PARP8: variants seen among roughly 807,000 people sequenced by gnomAD.
The protein encoded by PARP8 is protein mono-ADP-ribosyltransferase PARP8.
Under a neutral mutation model 124.1 loss-of-function variants are expected in PARP8, and 51 were observed. The ratio of observed to expected loss-of-function variants is 0.41; its 90% confidence interval spans 0.33 to 0.52. The LOEUF is 0.52. PARP8 is among the 20% of genes least tolerant of loss of function. PARP8 has a pLI of 0.21. For missense variants in PARP8, 860 were observed against 1,018.9 expected (o/e 0.84, Z 2.12); for synonymous variants, 391 against 361.5 (o/e 1.08, Z -0.93).
At chr5:50,827,795 T>C in intron 19 of PARP8, 149 bp from the exon 20 acceptor site, 1 of 616,282 alleles carries the variant, frequency 1.6e-6, no homozygotes, top group Non-Finnish European at 2.9e-6. Flanking sequence ...TTAAAAACAT[T>C]ATACAAATTA....
chr5:50,754,367 T>A (rs918966145), intron 3 of PARP8, among the ~76,000 whole-genome samples: 1 of 151,610 alleles, frequency 6.6e-6, no homozygotes, highest in Non-Finnish European at 1.5e-5. Flanking sequence ...CAGTGTGTGA[T>A]GTTCCCTTTC....
intron 2 of PARP8, chr5:50,739,195 A>AGGGG: frequency 1.6e-6 from 1 of 636,658 alleles, no homozygotes. Flanking sequence ...CTTCCATTGC[A>AGGGG]GGGGGATCTG....
In PARP8 at chr5:50,833,997, C is replaced by A; in HGVS notation, c.2326C>A (p.Gln776Lys). ...AATTTAGTCACAGAAAAAAGGACAG[C>A]AATCCCAATTCCTGCAAAGCCGTAA... ...NTSQSQKKGQ[Q>K]SQFLQSRNLK... Residue 776 changes from glutamine to lysine, a missense_variant, in exon 24 of 26, where the codon CAA becomes AAA. By Grantham distance (53) the Gln-to-Lys change is moderately conservative. Transcript: ENST00000281631. 1 of 1,612,150 alleles carries A rather than the reference C, an allele frequency of 6.2e-7. No homozygotes were observed. The highest frequency in any genetic ancestry group is 8.5e-7 in the Non-Finnish European group (1 of 1,178,834).
At chr5:50,735,868 G>A (rs183298573) in intron 2 of PARP8, among the ~76,000 whole-genome samples, 45 of 152,014 alleles carry the variant, frequency 3.0e-4, no homozygotes, top group Middle Eastern at 3.4e-3. Flanking sequence ...GGGCAGTGGG[G>A]GTGGAAGCTG....
chr5:50,740,907 T>C (rs1757977665), intron 2 of PARP8, among the ~76,000 whole-genome samples: 1 of 152,200 alleles, frequency 6.6e-6, no homozygotes, highest in Admixed American at 6.5e-5. Context: ...TTTAAGATGC[T>C]GAGGGTTGTA....
rs749666309 is a variant in PARP8 at position 50,760,400 on chromosome 5, T to C, written c.345+38T>C. 6 of 1,350,800 alleles carry C rather than the reference T, an allele frequency of 4.4e-6. No individual in the cohort carries two copies. In the African/African-American group the frequency reaches 7.6e-5, roughly 17 times the overall value. 83.7% of individuals were successfully genotyped at this position (1,350,800 alleles called of 1,614,324 possible). Reference sequence around the variant, plus strand: ...TATTTTTTATTTTCTTGAAACAGTATAGATATATTTAAAATTTACTGGGTT... The same window carrying C: ...TATTTTTTATTTTCTTGAAACAGTACAGATATATTTAAAATTTACTGGGTT... On this transcript the variant is annotated intron_variant, in intron 5 of 25. Transcript: ENST00000281631.
chr5:50,760,753 A>T (rs781282853), intron 5 of PARP8, among the ~76,000 whole-genome samples: 17 of 152,068 alleles, frequency 1.1e-4, no homozygotes, highest in Non-Finnish European at 1.6e-4. Flanking sequence ...AGTAACACTG[A>T]GGTTGTACAT....
intron 14 of PARP8, among the ~76,000 whole-genome samples, chr5:50,798,637 T>C (rs1742834657): frequency 6.6e-6 from 1 of 152,090 alleles, no homozygotes; most frequent in South Asian, 2.1e-4. Flanking sequence ...TTGGCCAGGA[T>C]GGTCTCGATC....
chr5:50,752,504 A>T (rs1433592591), intron 3 of PARP8, among the ~76,000 whole-genome samples: 1 of 152,014 alleles, frequency 6.6e-6, no homozygotes, highest in Non-Finnish European at 1.5e-5. Flanking sequence ...TTTTAGCAAA[A>T]GTATAGTATT....
At chr5:50,764,492 A>C (rs1760862746) in intron 7 of PARP8, among the ~76,000 whole-genome samples, 1 of 152,220 alleles carries the variant, frequency 6.6e-6, no homozygotes, top group Non-Finnish European at 1.5e-5. Context: ...CAAACATTTT[A>C]TTTTAACTGC....
At chr5:50,752,334 G>A (rs1472034803) in intron 3 of PARP8, among the ~76,000 whole-genome samples, 7 of 152,004 alleles carry the variant, frequency 4.6e-5, no homozygotes, top group African/African-American at 1.7e-4. Flanking sequence ...GCATTTGCTA[G>A]AACTTGCAAA....
chr5:50,839,719 T>C (rs1204306918), intron 25 of PARP8, among the ~76,000 whole-genome samples: 2 of 151,722 alleles, frequency 1.3e-5, no homozygotes, highest in Non-Finnish European at 2.9e-5. Flanking sequence ...TCACTCCCAC[T>C]TTTGCTCTCT....
intron 2 of PARP8, among the ~76,000 whole-genome samples, chr5:50,718,683 G>A (rs1490992258): frequency 6.6e-6 from 1 of 151,838 alleles, no homozygotes; most frequent in East Asian, 1.9e-4. Context: ...GTTTCCCATT[G>A]TGTATCTGTA....
In PARP8 at chr5:50,679,985, A is replaced by G. The variant is rs190090959; in HGVS notation, c.146+11860A>G. Among the ~76,000 whole-genome samples the G allele has an allele frequency of 1.9e-3, 293 of 152,328 alleles. 1 individual carries two copies. Among genetic ancestry groups the G allele is most frequent in the African/African-American group, 6.6e-3 (275 of 41,584 alleles). On this transcript the variant is annotated intron_variant, in intron 2 of 25. Coordinates refer to ENST00000281631, the MANE Select transcript of PARP8 (RefSeq NM_024615.4). ...CTCTCTTTGTCTCCATGTAAAACAT[A>G]TAGAGAAGCCGTTAGAAAAAGGTGG...
chr5:50,721,854 T>G (rs1213018122), intron 2 of PARP8, among the ~76,000 whole-genome samples: 5 of 152,150 alleles, frequency 3.3e-5, no homozygotes, highest in Non-Finnish European at 5.9e-5. Context: ...AAAAAACTGC[T>G]AAAGCAATTC....
At chr5:50,696,217 CTGTT>C (rs1462178346) in intron 2 of PARP8, among the ~76,000 whole-genome samples, 1 of 152,058 alleles carries the variant, frequency 6.6e-6, no homozygotes, top group Admixed American at 6.6e-5. Flanking sequence ...ACTTTTTAGA[CTGTT>C]TGGGCTGTTT....
intron 9 of PARP8, among the ~76,000 whole-genome samples, chr5:50,786,690 G>A (rs1741292994): frequency 6.6e-6 from 1 of 151,988 alleles, no homozygotes; most frequent in East Asian, 1.9e-4. Flanking sequence ...TTGAATTTGT[G>A]TCTAGATAGC....
intron 3 of PARP8, among the ~76,000 whole-genome samples, chr5:50,752,437 T>C (rs914421653): frequency 6.6e-6 from 1 of 152,054 alleles, no homozygotes; most frequent in Admixed American, 6.6e-5. Flanking sequence ...TGTTTCTTAG[T>C]CATTTTAAAA....
intron 25 of PARP8, among the ~76,000 whole-genome samples, chr5:50,841,579 T>C (rs1748183599): frequency 6.6e-6 from 1 of 151,762 alleles, no homozygotes; most frequent in African/African-American, 2.4e-5. Flanking sequence ...AAAGAAATGA[T>C]CGAAGTAGGA....
Sources: allele counts gnomAD v4.1 joint callset (sites outside exome capture counted in the v4.1 genomes callset), GRCh38; gene constraint gnomAD v4.1.1; transcripts MANE v1.5; gene names NCBI Gene and HGNC (gene_info 2026-07-23, HGNC 2026-07-21).